The following GNL2 variants were observed in gnomAD, a reference collection of about 807,000 sequenced individuals.
GNL2 encodes nucleolar GTP-binding protein 2.
A neutral mutation model predicts 92.3 loss-of-function variants in GNL2; 51 were observed. The observed-to-expected ratio is 0.55, with a 90% confidence interval of 0.44 to 0.70. GNL2 has a LOEUF of 0.70. GNL2 is among the 30% of genes least tolerant of loss of function. The pLI is 0.00. For synonymous variants in GNL2, 283 were observed against 300.6 expected (o/e 0.94, Z 0.61); for missense variants, 844 against 895.6 (o/e 0.94, Z 0.74).
At chr1:37,593,909 T>C (rs918559356) in intron 1 of GNL2, 63 bp from the exon 2 acceptor site, 4 of 1,207,802 alleles carry the variant, frequency 3.3e-6, no homozygotes, top group East Asian at 2.4e-5. Context: ...CAACAAGTCA[T>C]TGCTTAAAAT....
intron 8 of GNL2, among the ~76,000 whole-genome samples, chr1:37,580,859 G>C (rs973823002): frequency 2.0e-5 from 3 of 152,216 alleles, no homozygotes; most frequent in African/African-American, 7.2e-5. Flanking sequence ...ACACCATGTG[G>C]ATCAGCTGTG....
Position 37,582,228 on chromosome 1 carries a change from C to A in GNL2, c.904G>T (p.Gly302Ter). The A allele has an allele frequency of 1.2e-6, 2 of 1,606,124 alleles. No individual in the cohort carries two copies. Among genetic ancestry groups the A allele is most frequent in the Non-Finnish European group, 1.7e-6 (2 of 1,174,436 alleles). Reference protein sequence around the residue: ...GAFIQLLRQFGKLHTDKKQIS... With the variant: ...GAFIQLLRQF ...AACAGATCAGGGCTCAATACCTTTCCAAACTGCCGCAGAAGCTGAATGAAT... is the reference window on the plus strand; with the variant it reads ...AACAGATCAGGGCTCAATACCTTTCAAAACTGCCGCAGAAGCTGAATGAAT... The change falls in exon 8 of 16, where the codon GGA becomes TGA. Residue 302 changes from glycine to a stop codon, truncating the protein, a stop_gained. Transcript: ENST00000373062. LOFTEE classifies it high-confidence loss of function.
At chr1:37,591,306 C>T (rs913030140) in intron 3 of GNL2, among the ~76,000 whole-genome samples, 7 of 152,074 alleles carry the variant, frequency 4.6e-5, no homozygotes, top group Non-Finnish European at 1.0e-4. Context: ...CCAATGAGTC[C>T]ATGCAAGGGA....
In GNL2 at chr1:37,595,759, C is replaced by G. The variant is rs1168260921; in HGVS notation, c.64G>C (p.Asp22His). ...INPSKASTNP[D>H]RVQGAGGQNM... ...CCTCGATCAGCCCTGCCGCCTGTAC[C>G]TGGGTTTGTGCTGGCCTTGGACGGG... The change falls in exon 1 of 16, where the codon GAT becomes CAT. Residue 22 changes from aspartate to histidine, a missense_variant and splice_region_variant. Transcript: ENST00000373062. 2 of 1,614,066 alleles carry G rather than the reference C, an allele frequency of 1.2e-6. No homozygotes were observed. The highest frequency in any genetic ancestry group is 2.2e-5 in the South Asian group (2 of 91,078).
In GNL2 at chr1:37,582,327, C is replaced by T; in HGVS notation, c.805G>A (p.Val269Ile). 6.2e-7 allele frequency: 1 copy of T among 1,605,314 alleles called. No individual in the cohort carries two copies. Among genetic ancestry groups the T allele is most frequent in the Non-Finnish European group, 8.5e-7 (1 of 1,174,946 alleles). ...LVPTWATKRW[V>I]AVLSQDYPTL... The stretch of plus-strand genomic sequence containing the variant: ...GGATAATCCTGGGAGAGGACAGCAA[C>T]CCACCGTTTCTAGAAGGAGAGATGA... The change falls in exon 8 of 16, where the codon GTT becomes ATT. Residue 269 changes from valine (V) to isoleucine (I), a missense_variant. Physicochemically the swap from Val to Ile is conservative, Grantham distance 29 (BLOSUM62 3). Transcript: ENST00000373062.
intron 6 of GNL2, chr1:37,583,138 T>A (rs901973545): frequency 1.0e-5 from 4 of 388,388 alleles, no homozygotes; most frequent in Middle Eastern, 6.7e-4. Context: ...TGAAACCTGC[T>A]GAATTTAAAA....
chr1:37,580,065 G>A (rs1043437700), intron 8 of GNL2, among the ~76,000 whole-genome samples: 3 of 152,158 alleles, frequency 2.0e-5, no homozygotes, highest in Non-Finnish European at 2.9e-5. Flanking sequence ...AGCTCACTGA[G>A]CAATAAAAGG....
rs760796592 is a variant in GNL2, at chr1:37,574,846, T to C, written c.1144-23A>G. 371 of 1,578,108 alleles carry C rather than the reference T, an allele frequency of 2.4e-4. 1 individual carries two copies. Among genetic ancestry groups the C allele is most frequent in the Non-Finnish European group, 3.9e-5 (45 of 1,150,320 alleles). ...AACCTAAATGTTAATAGGAAATCTC[T>C]CACTTACAAACTTTGTTGTGGAAGC... On this transcript the variant is annotated intron_variant, in intron 10 of 15. Transcript: ENST00000373062.
rs746278786 is a variant in GNL2, at chr1:37,575,558, C to A, written c.1143+37G>T. ...CAGGGTTCCCTATAGAACACTCCCC[C>A]GCAAACACAAACAGCCTATCAGGGC... is the stretch of plus-strand genomic sequence containing the variant. On this transcript the variant is annotated intron_variant, in intron 10 of 15. Transcript: ENST00000373062. The surrounding 1 kb of genome is among the most constrained non-coding windows in gnomAD (Gnocchi z 4.1). The A allele has an allele frequency of 2.3e-6, 3 of 1,291,286 alleles. No homozygotes were observed. The highest frequency in any genetic ancestry group is 3.2e-6 in the Non-Finnish European group (3 of 926,428). 80.0% of individuals were successfully genotyped at this position (1,291,286 alleles called of 1,614,324 possible).
At chr1:37,580,675 C>G (rs538260011) in intron 8 of GNL2, among the ~76,000 whole-genome samples, 1 of 152,188 alleles carries the variant, frequency 6.6e-6, no homozygotes, top group Non-Finnish European at 1.5e-5. Context: ...GCCAGCCCTG[C>G]GGAGGACGGA....
rs866512599 is a variant in GNL2 at position 37,595,919 on chromosome 1, C to A, written c.-97G>T. ...CCCGGCCGAAGACACCCGCCTGAAC[C>A]ACGCCGGACCACGTGTGCACGACGT... On this transcript the variant is annotated 5_prime_UTR_variant, in exon 1 of 16. Coordinates refer to ENST00000373062, the MANE Select transcript of GNL2 (RefSeq NM_013285.3). The A allele has an allele frequency of 9.7e-5, 90 of 925,860 alleles. No homozygotes were observed. Among genetic ancestry groups the A allele is most frequent in the Non-Finnish European group, 1.4e-4 (80 of 568,518 alleles). The allele number at this position is 925,860 out of a possible 1,614,324, so 57.4% of individuals were successfully genotyped here. A position where few individuals can be genotyped will look rare whatever the true frequency, so the allele number is the denominator to read the frequency against.
Position 37,587,349 on chromosome 1 carries a change from G to A in GNL2, c.531C>T (p.Gly177=), listed in dbSNP as rs772979091. The A allele has an allele frequency of 6.2e-7, 1 of 1,610,330 alleles. No individual in the cohort carries two copies. Among genetic ancestry groups the A allele is most frequent in the African/African-American group, 1.3e-5 (1 of 74,576 alleles). The change falls in exon 5 of 16, where the codon GGC becomes GGT. Residue 177 remains glycine, a synonymous_variant. Coordinates refer to ENST00000373062, the MANE Select transcript of GNL2 (RefSeq NM_013285.3). ...AEMSTESYDQ[G]KDRDLVTEDT... ...CTTCAGTTACCAAATCACGATCCTT[G>A]CCCTGGTCATAGCTCTCAGTGGACA...
chr1:37,593,534 C>A, intron 2 of GNL2: 1 of 471,748 alleles, frequency 2.1e-6, no homozygotes, highest in Non-Finnish European at 3.8e-6. Flanking sequence ...GAAACAAGAC[C>A]TCTACTTTTG....
At chr1:37,568,640 G>T (rs1643545066) in intron 13 of GNL2, among the ~76,000 whole-genome samples, 1 of 152,206 alleles carries the variant, frequency 6.6e-6, no homozygotes, top group Non-Finnish European at 1.5e-5. Flanking sequence ...AGCTACTTAG[G>T]AGGCTGAGAT....
chr1:37,590,599 T>A lies in GNL2; in HGVS notation c.384+107A>T, dbSNP rs1643881785. On this transcript the variant is annotated intron_variant, in intron 4 of 15. Transcript: ENST00000373062. ...TCTTAGAAAGTTCATCATTGCTACA[T>A]TAAAGTCACTATTTTCTAAGGAAAA... 3 of 909,946 alleles carry A rather than the reference T, an allele frequency of 3.3e-6. No homozygotes were observed. The South Asian group carries it at 4.3e-5, about 13-fold the overall frequency. 56.4% of individuals were successfully genotyped at this position (909,946 alleles called of 1,614,324 possible).
rs1320076373 is a variant in GNL2 at position 37,582,917 on chromosome 1, A to C, written c.656T>G (p.Val219Gly). Residue 219 changes from valine to glycine, a missense_variant, in exon 7 of 16, where the codon GTT (valine) becomes GGT (glycine). Transcript: ENST00000373062. Reference sequence around the variant, plus strand: ...TCTAGCATCAAGAACTTGAACTACAACATCTGATGAATCTATCACCTGAAA... The same window carrying C: ...TCTAGCATCAAGAACTTGAACTACACCATCTGATGAATCTATCACCTGAAA... The part of the protein sequence containing the change: ...ELYKVIDSSD[V>G]VVQVLDARDP... 1.2e-6 allele frequency: 2 copies of C among 1,612,350 alleles called. No individual in the cohort carries two copies. The highest frequency in any genetic ancestry group is 2.7e-5 in the African/African-American group (2 of 74,872).
chr1:37,583,072 G>A (rs6671265), intron 6 of GNL2, 136 bp from the exon 7 acceptor site: 31,897 of 536,206 alleles, frequency 0.059, 1,234 homozygotes, highest in Non-Finnish European at 0.076. Context: ...AGTTCGTTGT[G>A]GCTAATCTCA....
In GNL2 at chr1:37,567,019, G is replaced by A; in HGVS notation, c.2044-12C>T. ...ACTGCTCGCCTCCGCTGTAAAAAAT[G>A]GCAAGAAAAGATGAAGAAAAAAAAC... On this transcript the variant is annotated splice_polypyrimidine_tract_variant and intron_variant, in intron 15 of 15. Coordinates refer to ENST00000373062, the MANE Select transcript of GNL2 (RefSeq NM_013285.3). 1 of 1,601,954 alleles carries A rather than the reference G, an allele frequency of 6.2e-7. No homozygotes were observed. The highest frequency in any genetic ancestry group is 1.1e-5 in the South Asian group (1 of 87,932).
chr1:37,591,664 C>A (rs778375762), intron 3 of GNL2, among the ~76,000 whole-genome samples: 1 of 152,032 alleles, frequency 6.6e-6, no homozygotes. Flanking sequence ...CACCACAACA[C>A]CTGGCTAATT....
Sources: allele counts gnomAD v4.1 joint callset (sites outside exome capture counted in the v4.1 genomes callset), GRCh38; gene constraint gnomAD v4.1.1; non-coding constraint Gnocchi (gnomAD v3.1); transcripts MANE v1.5; gene names NCBI Gene and HGNC (gene_info 2026-07-23, HGNC 2026-07-21).